The following LMOD3 variants were observed in gnomAD, a reference collection of about 807,000 sequenced individuals.
LMOD3 encodes the protein leiomodin-3.
A neutral mutation model predicts 41.8 loss-of-function variants in LMOD3; 31 were observed. That is an observed-to-expected ratio of 0.74 (90% CI 0.56 to 1.00). LMOD3 has a LOEUF of 1.00. Ranked by LOEUF, LMOD3 falls within the 50% of genes least tolerant of loss-of-function variation. LMOD3 has a pLI of 0.00. For synonymous variants in LMOD3, 292 were observed against 241.9 expected (o/e 1.21, Z -1.92); for missense variants, 755 against 679.5 (o/e 1.11, Z -1.23).
rs1025797444 is a variant in LMOD3, at chr3:69,107,680, T to C, written c.*1415A>G. ...TTAATAGAGACGGGGTTTCACCATGTTGGCCAGGCTGGTCTCGAACTCCTG... is the reference window on the plus strand; with the variant it reads ...TTAATAGAGACGGGGTTTCACCATGCTGGCCAGGCTGGTCTCGAACTCCTG... On this transcript the variant is annotated 3_prime_UTR_variant, in exon 3 of 3. Coordinates refer to ENST00000420581, the MANE Select transcript of LMOD3 (RefSeq NM_198271.5). 2 of 151,784 alleles carry C rather than the reference T, an allele frequency of 1.3e-5. No individual in the cohort carries two copies. The highest frequency in any genetic ancestry group is 1.3e-4 in the Admixed American group (2 of 15,216). 9.4% of individuals were successfully genotyped at this position (151,784 alleles called of 1,614,324 possible).
intron 2 of LMOD3, among the ~76,000 whole-genome samples, chr3:69,113,365 C>G (rs2092357972): frequency 6.6e-6 from 1 of 151,934 alleles, no homozygotes; most frequent in Non-Finnish European, 1.5e-5. Flanking sequence ...AGAAAATTTC[C>G]CATTATGTGA....
chr3:69,119,260 C>T lies in LMOD3; in HGVS notation c.1095G>A (p.Lys365=), dbSNP rs185537696. 16 of 1,613,928 alleles carry T rather than the reference C, an allele frequency of 9.9e-6. No homozygotes were observed. Among genetic ancestry groups the T allele is most frequent in the Middle Eastern group, 1.6e-4 (1 of 6,062 alleles). Residue 365 remains lysine (K), a synonymous_variant, in exon 2 of 3, where the codon AAG becomes AAA. Transcript: ENST00000420581. Reference sequence around the variant, plus strand: ...CCATCTTCAGGAGAGTGTTGTTTGCCTTCAAAAGCCTGGCTATTTCCATTT... The same window carrying T: ...CCATCTTCAGGAGAGTGTTGTTTGCTTTCAAAAGCCTGGCTATTTCCATTT... ...HAEMEIARLL[K]ANNTLLKMGY...
intron 2 of LMOD3, among the ~76,000 whole-genome samples, chr3:69,113,869 T>G (rs2092359989): frequency 6.6e-6 from 1 of 152,198 alleles, no homozygotes; most frequent in Non-Finnish European, 1.5e-5. Flanking sequence ...CACACATTTG[T>G]CAGGGAGGGA....
chr3:69,113,819 G>A (rs1005249596), intron 2 of LMOD3, among the ~76,000 whole-genome samples: 1 of 152,188 alleles, frequency 6.6e-6, no homozygotes, highest in African/African-American at 2.4e-5. Context: ...GAGATGGTAG[G>A]AGTGAGCAGA....
chr3:69,121,668 CTG>C (rs1327378804), intron 1 of LMOD3, among the ~76,000 whole-genome samples: 1 of 152,170 alleles, frequency 6.6e-6, no homozygotes, highest in African/African-American at 2.4e-5. Context: ...ATGTTTGACA[CTG>C]TGTGCGAAAC....
intron 2 of LMOD3, among the ~76,000 whole-genome samples, chr3:69,110,853 A>AAAAAAAAAAAAAAAAAAAAAATTATAT (rs1458630453): frequency 4.8e-5 from 5 of 104,168 alleles, no homozygotes; most frequent in Non-Finnish European, 8.8e-5. Context: ...AAAAAAAAAA[A>AAAAAAAAAAAAAAAAAAAAAATTATAT]ATATATATAT....
chr3:69,119,578 G>T lies in LMOD3; in HGVS notation c.777C>A (p.Asn259Lys), dbSNP rs2107526531. ...RKNDPDMKEL[N>K]LNNIENIPKE... Reference sequence around the variant, plus strand: ...TGGGGATGTTTTCAATGTTGTTCAGGTTGAGTTCCTTCATGTCAGGATCAT... The same window carrying T: ...TGGGGATGTTTTCAATGTTGTTCAGTTTGAGTTCCTTCATGTCAGGATCAT... The change falls in exon 2 of 3, where the codon AAC (asparagine) becomes AAA (lysine). Residue 259 changes from asparagine to lysine, a missense_variant. Transcript: ENST00000420581. 1 of 1,613,718 alleles carries T rather than the reference G, an allele frequency of 6.2e-7. No individual in the cohort carries two copies. Among genetic ancestry groups the T allele is most frequent in the Non-Finnish European group, 8.5e-7 (1 of 1,179,870 alleles).
At chr3:69,117,864 G>A (rs1019375912) in intron 2 of LMOD3, among the ~76,000 whole-genome samples, 15 of 141,042 alleles carry the variant, frequency 1.1e-4, no homozygotes, top group East Asian at 2.2e-4. Flanking sequence ...ATGGAGTCTC[G>A]CTCTGTCACC....
chr3:69,120,121 T>A (rs1575881789), intron 1 of LMOD3, 61 bp from the exon 2 acceptor site: 2 of 1,504,720 alleles, frequency 1.3e-6, no homozygotes, highest in East Asian at 4.6e-5. Context: ...AAGTGGAGCA[T>A]CAGCTAGTGG....
At chr3:69,113,568 A>G (rs1350314719) in intron 2 of LMOD3, among the ~76,000 whole-genome samples, 1 of 152,268 alleles carries the variant, frequency 6.6e-6, no homozygotes, top group Non-Finnish European at 1.5e-5. Context: ...AAGGCGGCCC[A>G]TGATATTATT....
At chr3:69,120,451 G>A (rs7620430) in intron 1 of LMOD3, among the ~76,000 whole-genome samples, 33,310 of 150,972 alleles carry the variant, frequency 0.22, 4,543 homozygotes, top group African/African-American at 0.39. Context: ...TATTATAAAT[G>A]TGATACTATA....
rs3772983 is a variant in LMOD3 at position 69,106,326 on chromosome 3, G to T, written c.*2769C>A. Among the ~76,000 whole-genome samples, 1 of 151,734 alleles carries T rather than the reference G, an allele frequency of 6.6e-6. No individual in the cohort carries two copies. Among genetic ancestry groups the T allele is most frequent in the Non-Finnish European group, 1.5e-5 (1 of 67,992 alleles). On this transcript the variant is annotated 3_prime_UTR_variant, in exon 3 of 3. Coordinates refer to ENST00000420581, the MANE Select transcript of LMOD3 (RefSeq NM_198271.5). ...CATTTTCTACAAGGTGAATTCTGCC[G>T]ATAAAATCCAATAAATTTGGAGAAA...
intron 2 of LMOD3, among the ~76,000 whole-genome samples, chr3:69,115,231 C>T (rs1299402328): frequency 2.0e-5 from 3 of 152,026 alleles, no homozygotes; most frequent in African/African-American, 4.8e-5. Context: ...CCTGTAATCC[C>T]GCCACTTTGG....
At chr3:69,110,853 A>AAAAAATATATATATATAT (rs1458630453) in intron 2 of LMOD3, among the ~76,000 whole-genome samples, 1 of 104,168 alleles carries the variant, frequency 9.6e-6, no homozygotes, top group African/African-American at 4.8e-5. Flanking sequence ...AAAAAAAAAA[A>AAAAAATATATATATATAT]ATATATATAT....
chr3:69,122,403 T>C lies in LMOD3; in HGVS notation c.-17A>G. On this transcript the variant is annotated 5_prime_UTR_variant, in exon 1 of 3. In the 5' UTR this introduces an upstream ATG that the reference lacks. Coordinates refer to ENST00000420581, the MANE Select transcript of LMOD3 (RefSeq NM_198271.5). The stretch of plus-strand genomic sequence containing the variant: ...CTCTGACATTATTTTTTCTAAATAT[T>C]ATTTTACTAGAAAAGAAGAATAATC... The C allele has an allele frequency of 6.7e-7, 1 of 1,486,656 alleles. No homozygotes were observed. The highest frequency in any genetic ancestry group is 1.3e-5 in the South Asian group (1 of 78,294). The allele number at this position is 1,486,656 out of a possible 1,614,324, so 92.1% of individuals were successfully genotyped here.
chr3:69,121,105 C>A (rs182982062), intron 1 of LMOD3, among the ~76,000 whole-genome samples: 37 of 152,114 alleles, frequency 2.4e-4, no homozygotes, highest in Non-Finnish European at 3.2e-4. Context: ...CAAGTTATAC[C>A]AGAGGAAGGA....
chr3:69,119,689 A>G lies in LMOD3; in HGVS notation c.666T>C (p.Ala222=), dbSNP rs1425344442. 1 of 1,613,894 alleles carries G rather than the reference A, an allele frequency of 6.2e-7. No homozygotes were observed. The highest frequency in any genetic ancestry group is 1.1e-5 in the South Asian group (1 of 91,068). Reference sequence around the variant, plus strand: ...TTACCTTCAAAAAGCTGGTGTCTAGAGCTAACTTCTTAGGATCTAATTTCG... The same window carrying G: ...TTACCTTCAAAAAGCTGGTGTCTAGGGCTAACTTCTTAGGATCTAATTTCG... The part of the protein sequence containing the change: ...KISKLDPKKL[A]LDTSFLKVST... Residue 222 remains alanine (A), a synonymous_variant, in exon 2 of 3, where the codon GCT becomes GCC. Transcript: ENST00000420581.
chr3:69,119,741 G>A lies in LMOD3; in HGVS notation c.614C>T (p.Ala205Val). Residue 205 changes from alanine to valine, a missense_variant, in exon 2 of 3, where the codon GCC (alanine) becomes GTC (valine). Physicochemically the swap from Ala to Val is moderately conservative, Grantham distance 64 (BLOSUM62 0). Coordinates refer to ENST00000420581, the MANE Select transcript of LMOD3 (RefSeq NM_198271.5). ...TATTTTTTTCTCACTTTGTTCTTGG[G>A]CCTCTGGTCTGTCTCTCTGTTCTTT... ...AFKEQRDRPE[A>V]QEQSEKKISK... 6.2e-7 allele frequency: 1 copy of A among 1,613,754 alleles called. No homozygotes were observed. The highest frequency in any genetic ancestry group is 1.3e-5 in the African/African-American group (1 of 75,016).
In LMOD3 at chr3:69,122,529, C is replaced by G. The variant is rs62255471; in HGVS notation, c.-143G>C. The G allele has an allele frequency of 1.9e-5, 12 of 632,736 alleles. No homozygotes were observed. Among genetic ancestry groups the G allele is most frequent in the Admixed American group, 9.0e-5 (3 of 33,472 alleles). 39.2% of individuals were successfully genotyped at this position (632,736 alleles called of 1,614,324 possible). On this transcript the variant is annotated 5_prime_UTR_variant, in exon 1 of 3. Coordinates refer to ENST00000420581, the MANE Select transcript of LMOD3 (RefSeq NM_198271.5). Reference sequence around the variant, plus strand: ...CCTTGAGATATTTTTTTTTTTTTCCCAGGAACCTCAGTGGTTTGCTGAGCA... The same window carrying G: ...CCTTGAGATATTTTTTTTTTTTTCCGAGGAACCTCAGTGGTTTGCTGAGCA...
Sources: allele counts gnomAD v4.1 joint callset (sites outside exome capture counted in the v4.1 genomes callset), GRCh38; gene constraint gnomAD v4.1.1; transcripts MANE v1.5; gene names NCBI Gene and HGNC (gene_info 2026-07-23, HGNC 2026-07-21).